PPARGC1A: variants seen among roughly 807,000 people sequenced by gnomAD.
PPARGC1A encodes PPARG coactivator 1 alpha, also known as peroxisome proliferator-activated receptor gamma coactivator 1-alpha.
A neutral mutation model predicts 88.7 loss-of-function variants in PPARGC1A; 25 were observed. The ratio of observed to expected loss-of-function variants is 0.28; its 90% confidence interval spans 0.21 to 0.39. The LOEUF (loss-of-function observed/expected upper bound fraction) is 0.39, where lower values mean the gene tolerates loss of function less well. Ranked by LOEUF, PPARGC1A falls within the 10% of genes least tolerant of loss-of-function variation. The pLI is 1.00. For synonymous variants in PPARGC1A, 363 were observed against 355.6 expected (o/e 1.02, Z -0.24); for missense variants, 880 against 968.7 (o/e 0.91, Z 1.22).
the PPARGC1A span, among the ~76,000 whole-genome samples, chr4:24,378,200 G>A: frequency 4.6e-5 from 7 of 152,208 alleles, no homozygotes; most frequent in Middle Eastern, 3.4e-3. Context: ...AGCTGGGCAT[G>A]GCTGCGCATG....
At chr4:24,164,883 G>A in the PPARGC1A span, among the ~76,000 whole-genome samples, 75 of 152,240 alleles carry the variant, frequency 4.9e-4, no homozygotes, top group Admixed American at 1.4e-3. Context: ...TGGGGGTAAG[G>A]AGGTTGTCTC....
At chr4:23,959,414 A>G in the PPARGC1A span, among the ~76,000 whole-genome samples, 1 of 152,246 alleles carries the variant, frequency 6.6e-6, no homozygotes, top group East Asian at 1.9e-4. Context: ...TGTGTATGAC[A>G]TACTCCTGAG....
chr4:24,220,711 T>TA, the PPARGC1A span, among the ~76,000 whole-genome samples: 1 of 152,010 alleles, frequency 6.6e-6, no homozygotes, highest in Non-Finnish European at 1.5e-5. Flanking sequence ...CAATAAACAC[T>TA]AAAGATTCCA....
At chr4:23,870,843 A>C (rs952662449) in intron 2 of PPARGC1A, among the ~76,000 whole-genome samples, 2 of 152,208 alleles carry the variant, frequency 1.3e-5, no homozygotes, top group African/African-American at 4.8e-5. Flanking sequence ...AAAAATGCGT[A>C]CTATCTATGG....
the PPARGC1A span, among the ~76,000 whole-genome samples, chr4:24,011,711 G>A: frequency 5.3e-4 from 80 of 152,258 alleles, 1 homozygote; most frequent in African/African-American, 1.9e-3. Context: ...GGAAAATGGT[G>A]GAAAGAGAAT....
chr4:23,919,868 C>T, the PPARGC1A span, among the ~76,000 whole-genome samples: 2 of 152,086 alleles, frequency 1.3e-5, no homozygotes, highest in African/African-American at 2.4e-5. Flanking sequence ...TGGATCAAAT[C>T]GGAAGAATCA....
At chr4:24,044,897 G>C in the PPARGC1A span, among the ~76,000 whole-genome samples, 2 of 152,186 alleles carry the variant, frequency 1.3e-5, no homozygotes, top group African/African-American at 4.8e-5. Flanking sequence ...CTCCTTATTT[G>C]CACTTGTCTT....
the PPARGC1A span, among the ~76,000 whole-genome samples, chr4:24,175,162 A>G: frequency 2.6e-5 from 4 of 152,232 alleles, no homozygotes; most frequent in African/African-American, 7.2e-5. Flanking sequence ...TACCCAATAG[A>G]CTAAAATGGA....
At chr4:24,008,719 G>A in the PPARGC1A span, among the ~76,000 whole-genome samples, 7 of 149,958 alleles carry the variant, frequency 4.7e-5, no homozygotes, top group South Asian at 1.5e-3. Flanking sequence ...AAAAAAAACA[G>A]TCTTTGATTG....
intron 2 of PPARGC1A, among the ~76,000 whole-genome samples, chr4:23,855,836 G>T (rs1730102089): frequency 6.6e-6 from 1 of 152,104 alleles, no homozygotes; most frequent in Non-Finnish European, 1.5e-5. Context: ...GATGTAGGAG[G>T]GGAAGTCTGG....
the PPARGC1A span, among the ~76,000 whole-genome samples, chr4:24,458,889 T>C: frequency 6.6e-6 from 1 of 152,204 alleles, no homozygotes; most frequent in Non-Finnish European, 1.5e-5. Flanking sequence ...TTACATGTGA[T>C]ACCAACTTAA....
the PPARGC1A span, among the ~76,000 whole-genome samples, chr4:24,252,672 C>T: frequency 6.6e-6 from 1 of 152,172 alleles, no homozygotes; most frequent in Non-Finnish European, 1.5e-5. Context: ...TTCTCGTTCC[C>T]CTAACTCCCA....
chr4:24,102,421 A>G, the PPARGC1A span, among the ~76,000 whole-genome samples: 2 of 152,236 alleles, frequency 1.3e-5, no homozygotes, highest in Admixed American at 6.5e-5. Context: ...TCTAGACTTC[A>G]GTCACTGATT....
the PPARGC1A span, among the ~76,000 whole-genome samples, chr4:24,465,618 C>T: frequency 2.0e-3 from 308 of 152,260 alleles, 1 homozygote; most frequent in African/African-American, 6.9e-3. Context: ...TTTACATTTC[C>T]GCTAGGGCTA....
rs112612271 is a variant in PPARGC1A at position 23,865,752 on chromosome 4, C to T, written c.234+19000G>A. On this transcript the variant is annotated intron_variant, in intron 2 of 12. Coordinates refer to ENST00000264867, the MANE Select transcript of PPARGC1A (RefSeq NM_013261.5). ...TTAATTGCCTCACAGGTAGCATCTG[C>T]GGCTGAAATCTATTTCACACTAAAT... 2.8e-3 allele frequency among the ~76,000 whole-genome samples: 420 copies of T among 152,258 alleles called. 6 individuals are homozygous for T. The highest frequency in any genetic ancestry group is 9.6e-3 in the African/African-American group (397 of 41,536).
the PPARGC1A span, among the ~76,000 whole-genome samples, chr4:24,199,547 G>A: frequency 1.3e-5 from 2 of 152,104 alleles, no homozygotes; most frequent in Non-Finnish European, 2.9e-5. Context: ...AGGCAAGAAA[G>A]GCATTCCTAG....
chr4:24,231,117 G>A, the PPARGC1A span, among the ~76,000 whole-genome samples: 1 of 149,920 alleles, frequency 6.7e-6, no homozygotes. Context: ...GGGCTCAGCA[G>A]TGCTTCCAAG....
chr4:24,277,993 A>G, the PPARGC1A span, among the ~76,000 whole-genome samples: 1 of 152,036 alleles, frequency 6.6e-6, no homozygotes, highest in Non-Finnish European at 1.5e-5. Context: ...TGGGCTACAC[A>G]GCAAGACCTT....
intron 2 of PPARGC1A, among the ~76,000 whole-genome samples, chr4:23,861,750 G>C (rs942030414): frequency 4.6e-5 from 7 of 152,100 alleles, no homozygotes; most frequent in Admixed American, 2.6e-4. Flanking sequence ...TAAAGGAAGG[G>C]GAATGATCAC....
Sources: gnomAD v4.1 joint callset for allele counts (sites outside exome capture counted in the v4.1 genomes callset) on GRCh38, gnomAD v4.1.1 for gene constraint, MANE v1.5 for transcripts, NCBI Gene and HGNC (gene_info 2026-07-23, HGNC 2026-07-21) for gene names.